The following SNX29 variants were observed in gnomAD, a reference collection of about 807,000 sequenced individuals.
The protein encoded by SNX29 is sorting nexin-29.
SNX29 carries 78 observed loss-of-function variants against 102.1 expected under a neutral mutation model. The ratio of observed to expected loss-of-function variants is 0.76; its 90% CI spans 0.64 to 0.92. The LOEUF (loss-of-function observed/expected upper bound fraction) is 0.92, where lower values mean the gene tolerates loss of function less well. SNX29 is among the 40% of genes least tolerant of loss of function. The pLI, the probability that SNX29 is intolerant of heterozygous loss-of-function variation, is 0.00. For missense variants in SNX29, 1,280 were observed against 1,061.7 expected (o/e 1.21, Z -2.86); for synonymous variants, 580 against 414.5 (o/e 1.40, Z -4.85).
chr16:12,542,364 C>G (rs57721774), intron 20 of SNX29, among the ~76,000 whole-genome samples: 2 of 152,094 alleles, frequency 1.3e-5, no homozygotes, highest in Admixed American at 6.5e-5. Context: ...AAGTTAGACC[C>G]AAGTTCTATC....
intron 18 of SNX29, among the ~76,000 whole-genome samples, chr16:12,475,251 G>A (rs552862030): frequency 1.3e-5 from 2 of 152,282 alleles, no homozygotes; most frequent in East Asian, 3.9e-4. Flanking sequence ...GGTTGCATTC[G>A]GGATTCCTGG....
intron 18 of SNX29, among the ~76,000 whole-genome samples, chr16:12,463,420 G>A (rs2086900786): frequency 6.6e-6 from 1 of 152,192 alleles, no homozygotes; most frequent in Non-Finnish European, 1.5e-5. Flanking sequence ...ATGGTTGAAG[G>A]CAAGGAGGAG....
intron 15 of SNX29, among the ~76,000 whole-genome samples, chr16:12,306,788 C>T (rs529772015): frequency 9.8e-5 from 15 of 152,350 alleles, no homozygotes; most frequent in Admixed American, 8.5e-4. Flanking sequence ...CAAAGGACAA[C>T]CTTGTCAGCC....
chr16:12,256,247 G>A (rs1476694372), intron 14 of SNX29, among the ~76,000 whole-genome samples: 2 of 152,158 alleles, frequency 1.3e-5, no homozygotes, highest in Non-Finnish European at 2.9e-5. Context: ...AGTTGTTTGA[G>A]TTCCTTGTAT....
intron 15 of SNX29, among the ~76,000 whole-genome samples, chr16:12,299,097 C>T (rs763187763): frequency 4.6e-5 from 7 of 151,630 alleles, no homozygotes; most frequent in African/African-American, 1.2e-4. Flanking sequence ...GTCAGGAGTT[C>T]GAGACCCACC....
intron 20 of SNX29, chr16:12,561,016 G>A (rs867878803): frequency 2.7e-5 from 6 of 219,268 alleles, no homozygotes; most frequent in Non-Finnish European, 3.7e-5. Flanking sequence ...AGTTGTGGAT[G>A]GTGGAAGTCT....
chr16:12,404,333 G>A (rs951854926), intron 18 of SNX29, among the ~76,000 whole-genome samples: 2 of 152,120 alleles, frequency 1.3e-5, no homozygotes, highest in African/African-American at 4.8e-5. Context: ...GGGGACTCCA[G>A]TTCTCCGTCT....
intron 7 of SNX29, among the ~76,000 whole-genome samples, chr16:12,050,090 A>C (rs2050242377): frequency 6.6e-6 from 1 of 152,224 alleles, no homozygotes; most frequent in South Asian, 2.1e-4. Flanking sequence ...GAGACCCTGC[A>C]CGAACCTTGT....
intron 11 of SNX29, chr16:12,088,290 T>C (rs1038796404): frequency 3.0e-5 from 11 of 361,214 alleles, no homozygotes; most frequent in Non-Finnish European, 1.1e-5. Context: ...GGGGCGGGTG[T>C]TGGGTGGGTG....
intron 1 of SNX29, among the ~76,000 whole-genome samples, chr16:11,995,371 C>G (rs1240683365): frequency 6.6e-6 from 1 of 151,894 alleles, no homozygotes; most frequent in Non-Finnish European, 1.5e-5. Context: ...CTGGCTGACC[C>G]CTTTCTCTTA....
chr16:12,562,229 A>G (rs924354007), intron 20 of SNX29, among the ~76,000 whole-genome samples: 1 of 152,298 alleles, frequency 6.6e-6, no homozygotes, highest in East Asian at 1.9e-4. Context: ...GGCCAAGTTC[A>G]GAAGTGAAGG....
chr16:12,368,350 AT>A (rs1486387244), intron 16 of SNX29, among the ~76,000 whole-genome samples: 1 of 152,248 alleles, frequency 6.6e-6, no homozygotes, highest in Non-Finnish European at 1.5e-5. Context: ...AATAGAAAGC[AT>A]TGGCAAGGTG....
chr16:12,144,873 CA>C (rs1421123151), intron 13 of SNX29, among the ~76,000 whole-genome samples: 1 of 152,228 alleles, frequency 6.6e-6, no homozygotes, highest in East Asian at 1.9e-4. Flanking sequence ...AGGCGCCTGC[CA>C]CCACACCCGG....
intron 13 of SNX29, among the ~76,000 whole-genome samples, chr16:12,159,604 A>T (rs2055697282): frequency 6.6e-6 from 1 of 152,358 alleles, no homozygotes; most frequent in African/African-American, 2.4e-5. Context: ...TCACACCTGT[A>T]ATCCTAACAC....
At chr16:12,158,465 G>C (rs2055648281) in intron 13 of SNX29, among the ~76,000 whole-genome samples, 1 of 152,226 alleles carries the variant, frequency 6.6e-6, no homozygotes, top group Admixed American at 6.5e-5. Flanking sequence ...CTCCCAAAGT[G>C]CTGGGATAAC....
chr16:12,368,499 C>A (rs1257222926), intron 16 of SNX29, among the ~76,000 whole-genome samples: 1 of 152,206 alleles, frequency 6.6e-6, no homozygotes, highest in Non-Finnish European at 1.5e-5. Context: ...GTGAGGAAGA[C>A]TACGGAGATG....
intron 15 of SNX29, among the ~76,000 whole-genome samples, chr16:12,343,916 C>T (rs1256630320): frequency 6.6e-6 from 1 of 152,232 alleles, no homozygotes; most frequent in Non-Finnish European, 1.5e-5. Context: ...TGTGTCCCCA[C>T]CTAAATCTCA....
At chr16:12,473,623 G>A (rs576286609) in intron 18 of SNX29, among the ~76,000 whole-genome samples, 4 of 152,328 alleles carry the variant, frequency 2.6e-5, no homozygotes, top group South Asian at 2.1e-4. Flanking sequence ...ATTTTCGGAC[G>A]GTTAGGCATT....
intron 14 of SNX29, among the ~76,000 whole-genome samples, chr16:12,223,683 C>T (rs1470942276): frequency 6.6e-6 from 1 of 152,188 alleles, no homozygotes; most frequent in Non-Finnish European, 1.5e-5. Flanking sequence ...GTCATGTGTA[C>T]TTGACTGAAT....
Sources: allele counts gnomAD v4.1 joint callset (sites outside exome capture counted in the v4.1 genomes callset), GRCh38; gene constraint gnomAD v4.1.1; transcripts MANE v1.5; gene names NCBI Gene and HGNC (gene_info 2026-07-23, HGNC 2026-07-21).